The following STARD3 variants were observed in gnomAD, a reference collection of about 807,000 sequenced individuals.
STARD3 encodes stAR-related lipid transfer protein 3.
Under a neutral mutation model 62.0 loss-of-function variants are expected in STARD3, and 39 were observed. The ratio of observed to expected loss-of-function variants is 0.63; its 90% CI spans 0.49 to 0.82. The LOEUF (loss-of-function observed/expected upper bound fraction) is 0.82. Ranked by LOEUF, STARD3 falls within the 40% of genes least tolerant of loss-of-function variation. The probability of loss-of-function intolerance (pLI) is 0.00; values close to 1 mark genes in which losing one functional copy is unlikely to be tolerated. For missense variants in STARD3, 543 were observed against 584.5 expected (o/e 0.93, Z 0.73); for synonymous variants, 229 against 242.4 (o/e 0.94, Z 0.51).
At chr17:39,647,735 G>C (rs1400130368) in intron 1 of STARD3, among the ~76,000 whole-genome samples, 1 of 152,242 alleles carries the variant, frequency 6.6e-6, no homozygotes, top group Non-Finnish European at 1.5e-5. Flanking sequence ...AGGAAAGGCT[G>C]ACAGGTGGGA....
At chr17:39,659,257 GC>G (rs977640813) in intron 8 of STARD3, 151 bp downstream of exon 8, 16 of 1,133,166 alleles carry the variant, frequency 1.4e-5, no homozygotes, top group African/African-American at 1.4e-4. Flanking sequence ...CACCAGTCCG[GC>G]CCCCCTGGTC....
chr17:39,655,046 A>C (rs977163023), intron 2 of STARD3, among the ~76,000 whole-genome samples: 1 of 152,232 alleles, frequency 6.6e-6, no homozygotes, highest in Non-Finnish European at 1.5e-5. Context: ...GACCTTCTGC[A>C]GAGCTTCTAA....
rs528415391 is a variant in STARD3 at position 39,662,968 on chromosome 17, A to G, written c.*60A>G. 2,760 of 1,530,374 alleles carry G rather than the reference A, an allele frequency of 1.8e-3. 4 individuals are homozygous for G. Among genetic ancestry groups the G allele is most frequent in the Non-Finnish European group, 1.8e-3 (2,037 of 1,127,904 alleles). The allele number at this position is 1,530,374 out of a possible 1,614,324, so 94.8% of individuals were successfully genotyped here. ...GTCGCCACCACTTCCAGAGCCAGAA[A>G]GGGTGCCAGTTGGGCTCGCACTGCC... On this transcript the variant is annotated 3_prime_UTR_variant, in exon 15 of 15. Transcript: ENST00000336308.
intron 1 of STARD3, among the ~76,000 whole-genome samples, chr17:39,650,342 C>T (rs912421703): frequency 1.3e-5 from 2 of 152,204 alleles, no homozygotes; most frequent in African/African-American, 4.8e-5. Flanking sequence ...CGCACACCGT[C>T]AGGAGCCAGG....
In STARD3 at chr17:39,658,425, T is replaced by C. The variant is rs2057155760; in HGVS notation, c.450T>C (p.Phe150=). 7 of 1,614,032 alleles carry C rather than the reference T, an allele frequency of 4.3e-6. No individual in the cohort carries two copies. Among genetic ancestry groups the C allele is most frequent in the Non-Finnish European group, 5.9e-6 (7 of 1,180,006 alleles). Residue 150 remains phenylalanine (F), a synonymous_variant, in exon 6 of 15, where the codon TTT becomes TTC. Coordinates refer to ENST00000336308, the MANE Select transcript of STARD3 (RefSeq NM_006804.4). ...ILSELLSKGA[F]GYLLPIVSFV... ...CACAGCTGCTCAGCAAAGGGGCATTTGGCTACCTGCTCCCCATCGTCTCTT... is the reference window on the plus strand; with the variant it reads ...CACAGCTGCTCAGCAAAGGGGCATTCGGCTACCTGCTCCCCATCGTCTCTT...
chr17:39,660,400 C>G lies in STARD3; in HGVS notation c.859-31C>G, dbSNP rs541545233. 6.2e-7 allele frequency: 1 copy of G among 1,612,546 alleles called. No individual in the cohort carries two copies. The highest frequency in any genetic ancestry group is 8.5e-7 in the Non-Finnish European group (1 of 1,179,222). On this transcript the variant is annotated intron_variant, in intron 10 of 14. Coordinates refer to ENST00000336308, the MANE Select transcript of STARD3 (RefSeq NM_006804.4). This position sits in a 1 kb window ranked among gnomAD's most constrained non-coding sequence, Gnocchi z 4.8. ...GGTTGGTCTGCCCGAGCCCATCTGGCACCACCCAGCCCTCTGCCGCCCTGT... is the reference window on the plus strand; with the variant it reads ...GGTTGGTCTGCCCGAGCCCATCTGGGACCACCCAGCCCTCTGCCGCCCTGT...
chr17:39,657,264 G>A (rs1225115103), intron 3 of STARD3, among the ~76,000 whole-genome samples, 179 bp downstream of exon 3: 3 of 152,090 alleles, frequency 2.0e-5, no homozygotes, highest in Admixed American at 6.5e-5. Context: ...AGTGGCTCAC[G>A]CCTGTAATCC....
Position 39,658,823 on chromosome 17 carries a change from G to A in STARD3, c.646+3G>A. On this transcript the variant is annotated splice_donor_region_variant and intron_variant, in intron 7 of 14. Coordinates refer to ENST00000336308, the MANE Select transcript of STARD3 (RefSeq NM_006804.4). Reference sequence around the variant, plus strand: ...TTCACCCCCAGAATCCTTTGCAGGTGAGGGCTGGTGTGTGGGGGAACTGCT... The same window carrying A: ...TTCACCCCCAGAATCCTTTGCAGGTAAGGGCTGGTGTGTGGGGGAACTGCT... 1 of 1,613,868 alleles carries A rather than the reference G, an allele frequency of 6.2e-7. No individual in the cohort carries two copies. Among genetic ancestry groups the A allele is most frequent in the Non-Finnish European group, 8.5e-7 (1 of 1,179,926 alleles).
intron 1 of STARD3, among the ~76,000 whole-genome samples, chr17:39,643,526 C>T (rs576847695): frequency 6.6e-6 from 1 of 152,290 alleles, no homozygotes; most frequent in Admixed American, 6.5e-5. Flanking sequence ...GTCTTCTGCA[C>T]CAGCCCATCT....
intron 1 of STARD3, among the ~76,000 whole-genome samples, chr17:39,644,028 C>G (rs1434544993): frequency 6.6e-6 from 1 of 152,188 alleles, no homozygotes; most frequent in Non-Finnish European, 1.5e-5. Context: ...CTTCACTGAT[C>G]CTTCCTGATT....
chr17:39,643,732 G>A (rs544904129), intron 1 of STARD3, among the ~76,000 whole-genome samples: 97 of 152,304 alleles, frequency 6.4e-4, no homozygotes, highest in Admixed American at 2.4e-3. Flanking sequence ...GCCCTGCCCT[G>A]AAGCCATCTC....
Position 39,660,582 on chromosome 17 carries a change from G to A in STARD3, c.954+56G>A. On this transcript the variant is annotated intron_variant, in intron 11 of 14. Transcript: ENST00000336308. This position sits in a 1 kb window ranked among gnomAD's most constrained non-coding sequence, Gnocchi z 4.8. ...CAGATGGGGGCACAGCCACGCCTCA[G>A]TGGGATCACTGAAGCACTCAGCGCC... The A allele has an allele frequency of 6.3e-7, 1 of 1,585,406 alleles. No homozygotes were observed. Among genetic ancestry groups the A allele is most frequent in the Non-Finnish European group, 8.7e-7 (1 of 1,155,110 alleles).
intron 14 of STARD3, 97 bp from the exon 15 acceptor site, chr17:39,662,707 G>A (rs2057213437): frequency 5.1e-6 from 6 of 1,184,188 alleles, no homozygotes; most frequent in Non-Finnish European, 7.2e-6. Flanking sequence ...AGCTGCACCT[G>A]CATTCTGGCC....
intron 1 of STARD3, among the ~76,000 whole-genome samples, chr17:39,646,805 G>T (rs1165115646): frequency 6.6e-6 from 1 of 152,196 alleles, no homozygotes; most frequent in Admixed American, 6.5e-5. Flanking sequence ...CGGTGTGGGG[G>T]CGTGTGCCCA....
At chr17:39,646,769 G>A (rs888802537) in intron 1 of STARD3, among the ~76,000 whole-genome samples, 4 of 152,166 alleles carry the variant, frequency 2.6e-5, no homozygotes, top group African/African-American at 9.7e-5. Flanking sequence ...TTGTATCCTA[G>A]GGTGAGGAAG....
At position 39,663,039 on chromosome 17, in the gene STARD3, A is replaced by G. The variant is rs1387641372; in HGVS notation, c.*131A>G. ...GCTGTCACCCTCCACCGAGCCACGC[A>G]GTGCCTGGAGTTGACTGACTGAGCA... is the stretch of plus-strand genomic sequence containing the variant. On this transcript the variant is annotated 3_prime_UTR_variant, in exon 15 of 15. Transcript: ENST00000336308. 6.6e-6 allele frequency: 6 copies of G among 908,458 alleles called. No individual in the cohort carries two copies. Among genetic ancestry groups the G allele is most frequent in the Non-Finnish European group, 6.4e-6 (4 of 623,440 alleles). The allele number at this position is 908,458 out of a possible 1,614,324, so 56.3% of individuals were successfully genotyped here.
Position 39,659,093 on chromosome 17 carries a change from G to A in STARD3, c.689G>A (p.Ser230Asn). 6.2e-7 allele frequency: 1 copy of A among 1,614,212 alleles called. No homozygotes were observed. The highest frequency in any genetic ancestry group is 8.5e-7 in the Non-Finnish European group (1 of 1,180,022). Residue 230 changes from serine (S) to asparagine (N), a missense_variant, in exon 8 of 15, where the codon AGT becomes AAT. Ser to Asn is a conservative substitution (Grantham distance 46). Coordinates refer to ENST00000336308, the MANE Select transcript of STARD3 (RefSeq NM_006804.4). ...GATGAAGAAGTTGCTGGGAAGAAAA[G>A]TTTCTCTGCTCAGGTATTTGCCTGC... The part of the protein sequence containing the change: ...ESDEEVAGKK[S>N]FSAQEREYIR...
intron 2 of STARD3, among the ~76,000 whole-genome samples, chr17:39,656,107 G>A (rs977503671): frequency 3.3e-5 from 5 of 152,198 alleles, no homozygotes; most frequent in Admixed American, 3.3e-4. Flanking sequence ...TTGAGGAAGA[G>A]GCACATGGTG....
At chr17:39,645,175 G>A (rs900503337) in intron 1 of STARD3, among the ~76,000 whole-genome samples, 2 of 152,200 alleles carry the variant, frequency 1.3e-5, no homozygotes, top group Non-Finnish European at 2.9e-5. Flanking sequence ...AGAGGAAGGA[G>A]TAGAGATCAG....
Sources: gnomAD v4.1 joint callset for allele counts (sites outside exome capture counted in the v4.1 genomes callset) on GRCh38, gnomAD v4.1.1 for gene constraint, Gnocchi (gnomAD v3.1) non-coding constraint, MANE v1.5 for transcripts, NCBI Gene and HGNC (gene_info 2026-07-23, HGNC 2026-07-21) for gene names.